Variants in FARSB observed in about 807,000 individuals in gnomAD.
FARSB encodes the protein phenylalanyl-tRNA synthetase subunit beta, also known as phenylalanine--tRNA ligase beta subunit.
FARSB carries 40 observed loss-of-function variants against 69.6 expected under a neutral mutation model. The ratio of observed to expected loss-of-function variants is 0.57; its 90% CI spans 0.45 to 0.75. FARSB has a LOEUF of 0.75. FARSB is among the 30% of genes least tolerant of loss of function. The pLI is 0.00. For missense variants in FARSB, 632 were observed against 722.9 expected, an observed-to-expected ratio of 0.87 and a Z score of 1.44; for synonymous variants, 235 against 247.2, an observed-to-expected ratio of 0.95 and a Z score of 0.46.
At chr2:222,625,182 T>C (rs1301028236) in intron 10 of FARSB, among the ~76,000 whole-genome samples, 2 of 152,286 alleles carry the variant, frequency 1.3e-5, no homozygotes, top group African/African-American at 4.8e-5. Flanking sequence ...TATCACAGTG[T>C]CCATCATACT....
At chr2:222,630,339 A>G (rs1376167047) in intron 8 of FARSB, among the ~76,000 whole-genome samples, 165 bp from the exon 9 acceptor site, 2 of 152,250 alleles carry the variant, frequency 1.3e-5, no homozygotes, top group South Asian at 2.1e-4. Flanking sequence ...GCCTAGCCTT[A>G]TCTTCAGGTG....
At chr2:222,630,481 C>T (rs1026621462) in intron 8 of FARSB, among the ~76,000 whole-genome samples, 2 of 152,130 alleles carry the variant, frequency 1.3e-5, no homozygotes, top group Non-Finnish European at 2.9e-5. Flanking sequence ...TAAATCTTAA[C>T]AATCTCCTAA....
chr2:222,591,641 T>C (rs1435553896), intron 16 of FARSB, among the ~76,000 whole-genome samples: 1 of 152,210 alleles, frequency 6.6e-6, no homozygotes, highest in Admixed American at 6.5e-5. Flanking sequence ...GCTTCAAACT[T>C]TTGTAAGACA....
chr2:222,647,973 T>C (rs1289764913), intron 2 of FARSB, among the ~76,000 whole-genome samples: 1 of 152,146 alleles, frequency 6.6e-6, no homozygotes, highest in Non-Finnish European at 1.5e-5. Context: ...GGCTGGTTTT[T>C]TCCTAAGTTC....
intron 5 of FARSB, 76 bp downstream of exon 5, chr2:222,639,504 G>GGGAGAT (rs1691662297): frequency 3.2e-5 from 18 of 561,552 alleles, no homozygotes. Context: ...AAGAGGGAGA[G>GGGAGAT]GGATCAGGAT....
intron 16 of FARSB, among the ~76,000 whole-genome samples, chr2:222,573,654 AT>A (rs1410823539): frequency 2.0e-5 from 3 of 152,228 alleles, no homozygotes; most frequent in African/African-American, 7.2e-5. Context: ...TGAAGATTAT[AT>A]AAGGTGTTGA....
At chr2:222,605,161 T>TCTCTCTCTC (rs1690667824) in intron 15 of FARSB, among the ~76,000 whole-genome samples, 38 of 132,748 alleles carry the variant, frequency 2.9e-4, no homozygotes, top group African/African-American at 4.2e-4. Flanking sequence ...AATACAAACT[T>TCTCTCTCTC]TCTCTCTCTC....
At chr2:222,627,556 TA>T (rs1420099275) in intron 10 of FARSB, among the ~76,000 whole-genome samples, 1 of 152,182 alleles carries the variant, frequency 6.6e-6, no homozygotes, top group Non-Finnish European at 1.5e-5. Context: ...AATCATGAGA[TA>T]AATAAATGGT....
chr2:222,583,355 A>G (rs1212961472), intron 16 of FARSB, among the ~76,000 whole-genome samples: 1 of 152,248 alleles, frequency 6.6e-6, no homozygotes, highest in Admixed American at 6.5e-5. Context: ...ACTGGTAGCT[A>G]CAACCTTAAT....
chr2:222,655,943 A>C, intron 1 of FARSB, 73 bp downstream of exon 1: 1 of 1,236,328 alleles, frequency 8.1e-7, no homozygotes, highest in Non-Finnish European at 1.2e-6. Context: ...GAATGTCGCC[A>C]CATTGCCCTT....
chr2:222,597,613 T>C (rs945953191), intron 16 of FARSB, among the ~76,000 whole-genome samples: 1 of 152,188 alleles, frequency 6.6e-6, no homozygotes, highest in East Asian at 1.9e-4. Flanking sequence ...ACAAATTAGC[T>C]GTATCACAAA....
intron 13 of FARSB, among the ~76,000 whole-genome samples, chr2:222,622,649 T>G (rs544422921): frequency 5.3e-5 from 8 of 152,306 alleles, no homozygotes; most frequent in Non-Finnish European, 1.0e-4. Flanking sequence ...ACAGACCTAG[T>G]GTACACGGTA....
chr2:222,623,634 A>G lies in FARSB; in HGVS notation c.1251+16T>C. On this transcript the variant is annotated intron_variant, in intron 13 of 16. Transcript: ENST00000281828. ...AGTAAATAATCATCTGGGCAGAAAA[A>G]GCATGTAAGACATACCAGGGCAAAG... 2.1e-6 allele frequency: 3 copies of G among 1,437,404 alleles called. No individual in the cohort carries two copies. The highest frequency in any genetic ancestry group is 2.9e-6 in the Non-Finnish European group (3 of 1,018,680). 89.0% of individuals were successfully genotyped at this position (1,437,404 alleles called of 1,614,324 possible). A position where few individuals can be genotyped will look rare whatever the true frequency, so the allele number is the denominator to read the frequency against.
chr2:222,637,882 C>A (rs1438022528), intron 5 of FARSB, among the ~76,000 whole-genome samples: 2 of 152,062 alleles, frequency 1.3e-5, no homozygotes, highest in Non-Finnish European at 2.9e-5. Flanking sequence ...ACTTAGGAGG[C>A]TGAGGCAGGA....
At chr2:222,590,001 A>C (rs1258842052) in intron 16 of FARSB, among the ~76,000 whole-genome samples, 4 of 152,134 alleles carry the variant, frequency 2.6e-5, no homozygotes, top group African/African-American at 2.4e-5. Context: ...TTGACCCAGC[A>C]ATCCCATTAC....
intron 3 of FARSB, among the ~76,000 whole-genome samples, chr2:222,641,364 A>G (rs563763654): frequency 3.2e-4 from 48 of 152,364 alleles, no homozygotes; most frequent in African/African-American, 1.1e-3. Flanking sequence ...GCCCTACTGA[A>G]TAAAATAAGT....
chr2:222,631,656 G>A lies in FARSB; in HGVS notation c.734C>T (p.Thr245Ile), dbSNP rs754925210. Residue 245 changes from threonine to isoleucine, a missense_variant, in exon 8 of 17, where the codon ACA becomes ATA. Thr to Ile is a moderately conservative substitution (Grantham distance 89). Coordinates refer to ENST00000281828, the MANE Select transcript of FARSB (RefSeq NM_005687.5). ...PIINGDHSRITVNTRNIFIEC... is the reference protein window; with the variant it reads ...PIINGDHSRIIVNTRNIFIEC... ...AATAAAAATATTTCTAGTATTTACT[G>A]TTATTCTGGAATGATCCCCTGCAAT... The A allele has an allele frequency of 1.9e-6, 3 of 1,563,038 alleles. No individual in the cohort carries two copies. The highest frequency in any genetic ancestry group is 1.8e-6 in the Non-Finnish European group (2 of 1,134,292).
chr2:222,589,739 T>C (rs902989937), intron 16 of FARSB, among the ~76,000 whole-genome samples: 1 of 152,188 alleles, frequency 6.6e-6, no homozygotes, highest in African/African-American at 2.4e-5. Context: ...AAGACATTTA[T>C]GCAGCCAACA....
intron 5 of FARSB, among the ~76,000 whole-genome samples, chr2:222,637,060 T>A (rs573767573): frequency 4.8e-4 from 73 of 152,278 alleles, no homozygotes; most frequent in African/African-American, 1.7e-3. Context: ...CTATTTTTTT[T>A]AAAAGGCAGT....
Sources: gnomAD v4.1 joint callset for allele counts (sites outside exome capture counted in the v4.1 genomes callset) on GRCh38, gnomAD v4.1.1 for gene constraint, MANE v1.5 for transcripts, NCBI Gene and HGNC (gene_info 2026-07-23, HGNC 2026-07-21) for gene names.